TG: variants seen among roughly 807,000 people sequenced by gnomAD.
The protein encoded by TG is thyroglobulin.
TG carries 270 observed loss-of-function variants against 324.7 expected under a neutral mutation model. That is an observed-to-expected ratio of 0.83 (90% CI 0.75 to 0.92). The LOEUF (loss-of-function observed/expected upper bound fraction) is 0.92, where lower values mean the gene tolerates loss of function less well. TG is among the 40% of genes least tolerant of loss of function. TG has a pLI of 0.00. For synonymous variants in TG, 1,401 were observed against 1,327.0 expected (o/e 1.06, Z -1.21); for missense variants, 3,591 against 3,456.4 (o/e 1.04, Z -0.98).
intron 11 of TG, among the ~76,000 whole-genome samples, chr8:132,895,404 T>G (rs1471108335): frequency 6.6e-6 from 1 of 152,230 alleles, no homozygotes; most frequent in Non-Finnish European, 1.5e-5. Flanking sequence ...TCAGTGATCT[T>G]TGTTCTCCTA....
chr8:132,967,143 AT>A (rs1382623727), intron 30 of TG, among the ~76,000 whole-genome samples: 53 of 146,886 alleles, frequency 3.6e-4, no homozygotes, highest in East Asian at 1.8e-3. Flanking sequence ...CCATCCATCC[AT>A]CCATCCATCC....
intron 11 of TG, 108 bp downstream of exon 11, chr8:132,894,037 G>A (rs1302056953): frequency 1.3e-6 from 2 of 1,564,036 alleles, no homozygotes; most frequent in South Asian, 1.1e-5. Context: ...GGCTTCCCCA[G>A]ACTGATGGGT....
chr8:132,930,509 C>T (rs1445710580), intron 23 of TG, among the ~76,000 whole-genome samples: 1 of 151,910 alleles, frequency 6.6e-6, no homozygotes, highest in Non-Finnish European at 1.5e-5. Context: ...GGTGAAACCC[C>T]GTCTCTACTA....
intron 33 of TG, among the ~76,000 whole-genome samples, 185 bp downstream of exon 33, chr8:132,972,058 G>T (rs1287362384): frequency 6.6e-6 from 1 of 152,168 alleles, no homozygotes; most frequent in Admixed American, 6.5e-5. Context: ...CTAGTCCAGT[G>T]ATCATCACTT....
At chr8:132,977,762 A>G (rs1473904304) in intron 34 of TG, among the ~76,000 whole-genome samples, 1 of 152,114 alleles carries the variant, frequency 6.6e-6, no homozygotes, top group Non-Finnish European at 1.5e-5. Flanking sequence ...CCCTCCCACA[A>G]CACATGGGAA....
intron 41 of TG, among the ~76,000 whole-genome samples, chr8:133,044,444 G>A (rs1381667154): frequency 6.6e-6 from 1 of 152,146 alleles, no homozygotes; most frequent in African/African-American, 2.4e-5. Context: ...TTAGGAGCCT[G>A]TTGAGGAATA....
Position 133,113,513 on chromosome 8 carries a change from G to C in TG, c.7664G>C (p.Arg2555Pro). The C allele has an allele frequency of 8.7e-6, 14 of 1,613,996 alleles. No individual in the cohort carries two copies. Among genetic ancestry groups the C allele is most frequent in the Non-Finnish European group, 1.1e-5 (13 of 1,180,002 alleles). Residue 2555 changes from arginine (R) to proline (P), a missense_variant, in exon 44 of 48, where the codon CGC becomes CCC. Coordinates refer to ENST00000220616, the MANE Select transcript of TG (RefSeq NM_003235.5). Reference protein sequence around the residue: ...NSLGGEDSDARVEAAATWYYS... With the variant: ...NSLGGEDSDAPVEAAATWYYS... ...CTGGGTGGCGAGGACTCAGATGCCC[G>C]CGTCGAGGCTGCTGCTACATGGTAT...
intron 35 of TG, among the ~76,000 whole-genome samples, chr8:132,990,611 C>G (rs1832193515): frequency 6.6e-6 from 1 of 152,142 alleles, no homozygotes; most frequent in Non-Finnish European, 1.5e-5. Context: ...CTAATGACCA[C>G]ACACAATCAT....
intron 41 of TG, among the ~76,000 whole-genome samples, chr8:133,034,214 A>G (rs1836883891): frequency 6.6e-6 from 1 of 152,212 alleles, no homozygotes; most frequent in African/African-American, 2.4e-5. Context: ...TTCAGAAAAA[A>G]AACTACATTG....
chr8:133,089,601 C>T (rs561188578), intron 41 of TG, among the ~76,000 whole-genome samples: 3 of 152,196 alleles, frequency 2.0e-5, no homozygotes, highest in Admixed American at 1.3e-4. Context: ...TCTCACTACA[C>T]TTCTATGGAA....
rs1395918603 is a variant in TG at position 132,904,600 on chromosome 8, G to C, written c.3635-2088G>C. ...AGTGACATGGGGAATAAGGCTGTGG[G>C]AAAACAGGTCTGCTAGGGAAGGTAG... is the stretch of plus-strand genomic sequence containing the variant. On this transcript the variant is annotated intron_variant, in intron 16 of 47. Transcript: ENST00000220616. Among the ~76,000 whole-genome samples the C allele has an allele frequency of 5.3e-5, 8 of 152,176 alleles. No homozygotes were observed. The East Asian group carries it at 1.5e-3, about 29-fold the overall frequency.
intron 29 of TG, 43 bp downstream of exon 29, chr8:132,963,117 G>A (rs753808831): frequency 1.9e-6 from 3 of 1,573,368 alleles, no homozygotes; most frequent in East Asian, 4.5e-5. Flanking sequence ...GTGTCTGAAT[G>A]CAGAGACTAA....
chr8:132,908,601 G>C (rs1819036831), intron 18 of TG, among the ~76,000 whole-genome samples: 1 of 152,046 alleles, frequency 6.6e-6, no homozygotes, highest in Non-Finnish European at 1.5e-5. Context: ...TTGATGTCAA[G>C]GCTGAGGTCT....
intron 22 of TG, among the ~76,000 whole-genome samples, chr8:132,926,082 A>G (rs1409745210): frequency 6.6e-6 from 1 of 152,158 alleles, no homozygotes; most frequent in Non-Finnish European, 1.5e-5. Flanking sequence ...CCTCACTGGG[A>G]TGTCAACACA....
chr8:133,109,048 G>C (rs1850058464), intron 43 of TG, among the ~76,000 whole-genome samples: 1 of 152,248 alleles, frequency 6.6e-6, no homozygotes, highest in African/African-American at 2.4e-5. Context: ...GAGCTACAGA[G>C]AGAGGCAGCA....
chr8:133,018,979 G>T (rs1835310670), intron 38 of TG, among the ~76,000 whole-genome samples: 1 of 152,242 alleles, frequency 6.6e-6, no homozygotes, highest in African/African-American at 2.4e-5. Context: ...AAATATGCGT[G>T]AATTAAAGTG....
Position 133,096,196 on chromosome 8 carries a change from T to A in TG, c.7405-10T>A. On this transcript the variant is annotated splice_polypyrimidine_tract_variant and intron_variant, in intron 42 of 47. Transcript: ENST00000220616. ...TCCAGGACAACTGATTATTGTTGCA[T>A]CCAATGCAGCTCCTGGCCGTGAGTG... 1 of 1,614,242 alleles carries A rather than the reference T, an allele frequency of 6.2e-7. No homozygotes were observed. The highest frequency in any genetic ancestry group is 2.2e-5 in the East Asian group (1 of 44,888).
chr8:132,950,136 A>T (rs1563993604), intron 27 of TG, among the ~76,000 whole-genome samples: 1 of 152,180 alleles, frequency 6.6e-6, no homozygotes, highest in Admixed American at 6.5e-5. Context: ...TGAGAGTCTG[A>T]CTTATGATGA....
intron 41 of TG, chr8:133,047,907 T>C: frequency 6.2e-7 from 1 of 1,611,266 alleles, no homozygotes; most frequent in Non-Finnish European, 8.5e-7. Flanking sequence ...CTCGGCCTTG[T>C]CTCTGCCCAG....
Sources: gnomAD v4.1 joint callset for allele counts (sites outside exome capture counted in the v4.1 genomes callset) on GRCh38, gnomAD v4.1.1 for gene constraint, MANE v1.5 for transcripts, NCBI Gene and HGNC (gene_info 2026-07-23, HGNC 2026-07-21) for gene names.